The following PIAS1 variants were observed in gnomAD, a reference collection of about 807,000 sequenced individuals.
PIAS1 encodes protein inhibitor of activated STAT 1, also known as E3 SUMO-protein ligase PIAS1.
Under a neutral mutation model 71.3 loss-of-function variants are expected in PIAS1, and 6 were observed. The observed-to-expected ratio is 0.08, with a 90% confidence interval of 0.05 to 0.17. The LOEUF (loss-of-function observed/expected upper bound fraction) is 0.17, where lower values mean the gene tolerates loss of function less well. Among genes scored for constraint, PIAS1 ranks in the 10% least tolerant of loss-of-function variants. The pLI is 1.00. For synonymous variants in PIAS1, 303 were observed against 292.9 expected, an observed-to-expected ratio of 1.03 and a Z score of -0.35; for missense variants, 555 against 793.6, an observed-to-expected ratio of 0.70 and a Z score of 3.61.
intron 1 of PIAS1, among the ~76,000 whole-genome samples, chr15:68,069,982 C>T (rs971222808): frequency 1.3e-5 from 2 of 152,094 alleles, no homozygotes; most frequent in Admixed American, 1.3e-4. Flanking sequence ...ATGTTAAATG[C>T]ATTGTTAAAG....
intron 12 of PIAS1, chr15:68,181,901 G>GACCTCGTGGTCCTC (rs2093055386): frequency 6.5e-6 from 1 of 153,242 alleles, no homozygotes; most frequent in Non-Finnish European, 1.5e-5. Flanking sequence ...GGCTGGTCCT[G>GACCTCGTGGTCCTC]ACCTCGTGGT....
chr15:68,177,310 T>G (rs531918604), intron 11 of PIAS1, among the ~76,000 whole-genome samples: 31 of 136,508 alleles, frequency 2.3e-4, no homozygotes, highest in African/African-American at 7.3e-4. Context: ...AAGAAAAAAT[T>G]TGTATTTCTA....
chr15:68,144,442 C>T (rs1210193231), intron 4 of PIAS1, among the ~76,000 whole-genome samples: 2 of 152,102 alleles, frequency 1.3e-5, no homozygotes, highest in Non-Finnish European at 2.9e-5. Context: ...TTCTGCTATT[C>T]CTTTTTTTCT....
intron 1 of PIAS1, among the ~76,000 whole-genome samples, chr15:68,069,415 A>G (rs1046667606): frequency 1.3e-5 from 2 of 152,140 alleles, no homozygotes; most frequent in African/African-American, 2.4e-5. Context: ...CAGTCATTCT[A>G]TCAATAAAAA....
chr15:68,078,509 T>C (rs778598448), intron 1 of PIAS1, among the ~76,000 whole-genome samples: 4 of 152,238 alleles, frequency 2.6e-5, no homozygotes, highest in Non-Finnish European at 4.4e-5. Context: ...CTGCTCATGT[T>C]ATACTGTATA....
chr15:68,155,986 T>C (rs978505925), intron 7 of PIAS1, among the ~76,000 whole-genome samples: 1 of 152,352 alleles, frequency 6.6e-6, no homozygotes. Context: ...TAATTACTTT[T>C]TTAGCTTATC....
intron 2 of PIAS1, among the ~76,000 whole-genome samples, chr15:68,087,407 CTTAT>C (rs1204780046): frequency 1.3e-5 from 2 of 151,966 alleles, no homozygotes; most frequent in Non-Finnish European, 2.9e-5. Flanking sequence ...ATAATGCTAC[CTTAT>C]TTATTTAACG....
chr15:68,123,643 T>G (rs1448127494), intron 2 of PIAS1, among the ~76,000 whole-genome samples: 1 of 151,654 alleles, frequency 6.6e-6, no homozygotes, highest in African/African-American at 2.4e-5. Flanking sequence ...CATGGAGGAG[T>G]CTGCACTATA....
intron 2 of PIAS1, 59 bp from the exon 3 acceptor site, chr15:68,141,887 C>A: frequency 2.1e-6 from 2 of 953,274 alleles, no homozygotes; most frequent in Non-Finnish European, 3.1e-6. Flanking sequence ...TTTTTTTTTG[C>A]TTTTGTCTTT....
At chr15:68,131,932 G>T (rs1462053441) in intron 2 of PIAS1, among the ~76,000 whole-genome samples, 1 of 151,648 alleles carries the variant, frequency 6.6e-6, no homozygotes, top group Non-Finnish European at 1.5e-5. Flanking sequence ...GCTGGGCGTG[G>T]TGGCTCATAC....
intron 2 of PIAS1, among the ~76,000 whole-genome samples, chr15:68,133,383 A>G (rs993622543): frequency 2.6e-5 from 4 of 152,142 alleles, no homozygotes; most frequent in African/African-American, 4.8e-5. Flanking sequence ...TCAAAATACT[A>G]TTGAGCTTTA....
intron 2 of PIAS1, among the ~76,000 whole-genome samples, chr15:68,119,305 C>T (rs888132179): frequency 6.4e-5 from 9 of 139,936 alleles, no homozygotes; most frequent in Non-Finnish European, 9.1e-5. Context: ...ATACTCCAGA[C>T]GTGGTGGCGC....
Position 68,147,211 on chromosome 15 carries a change from G to T in PIAS1, c.828+511G>T, listed in dbSNP as rs143003030. ...TTGACAGATTACCTTCTCCAAAGGT[G>T]TTGTACAAATTTATTCTCTGACTTT... is the stretch of plus-strand genomic sequence containing the variant. On this transcript the variant is annotated intron_variant, in intron 6 of 13. Transcript: ENST00000249636. 1.3e-3 allele frequency among the ~76,000 whole-genome samples: 191 copies of T among 152,254 alleles called. No homozygotes were observed. The East Asian group carries it at 0.026, about 20-fold the overall frequency.
At chr15:68,083,927 A>G (rs556967845) in intron 1 of PIAS1, among the ~76,000 whole-genome samples, 1 of 152,242 alleles carries the variant, frequency 6.6e-6, no homozygotes, top group African/African-American at 2.4e-5. Flanking sequence ...TTGAGTACCT[A>G]CTATGTACCA....
chr15:68,120,054 T>C (rs139032467), intron 2 of PIAS1, among the ~76,000 whole-genome samples: 32 of 152,352 alleles, frequency 2.1e-4, no homozygotes, highest in Non-Finnish European at 3.4e-4. Context: ...GCGATCCTTC[T>C]GCCTCAGTGT....
At position 68,137,415 on chromosome 15, in the gene PIAS1, A is replaced by G. The variant is rs577528622; in HGVS notation, c.470-4531A>G. 4.6e-5 allele frequency among the ~76,000 whole-genome samples: 7 copies of G among 152,294 alleles called. No individual in the cohort carries two copies. The East Asian group carries it at 7.7e-4, about 17-fold the overall frequency. On this transcript the variant is annotated intron_variant, in intron 2 of 13. Transcript: ENST00000249636. ...TAAAGCAAGCTTTCATATTGTATCT[A>G]TAGTTTGATATGAGAATGACTGGAA...
At chr15:68,169,490 A>G (rs1157560398) in intron 8 of PIAS1, among the ~76,000 whole-genome samples, 1 of 152,208 alleles carries the variant, frequency 6.6e-6, no homozygotes, top group African/African-American at 2.4e-5. Flanking sequence ...TGTGGCCAAC[A>G]TGGCGAACCC....
At chr15:68,170,600 A>G (rs1461095576) in intron 8 of PIAS1, among the ~76,000 whole-genome samples, 2 of 152,098 alleles carry the variant, frequency 1.3e-5, no homozygotes, top group African/African-American at 4.8e-5. Flanking sequence ...GGCTACAATA[A>G]ATTTAAAATA....
At chr15:68,153,138 A>G (rs1479708124) in intron 6 of PIAS1, among the ~76,000 whole-genome samples, 1 of 152,142 alleles carries the variant, frequency 6.6e-6, no homozygotes, top group Non-Finnish European at 1.5e-5. Flanking sequence ...TGTCATTTAA[A>G]AAAAATAGAT....
Sources: allele counts gnomAD v4.1 joint callset (sites outside exome capture counted in the v4.1 genomes callset), GRCh38; gene constraint gnomAD v4.1.1; transcripts MANE v1.5; gene names NCBI Gene and HGNC (gene_info 2026-07-23, HGNC 2026-07-21).